The following MSRA variants were observed in gnomAD, a reference collection of about 807,000 sequenced individuals.
The protein encoded by MSRA is mitochondrial peptide methionine sulfoxide reductase.
In MSRA, 54 loss-of-function variants were observed where a neutral mutation model predicts 31.3. The ratio of observed to expected loss-of-function variants is 1.73; its 90% CI spans 1.39 to 2.17. The LOEUF is 2.17. Ranked by LOEUF, MSRA falls within the 30% of genes most tolerant of loss-of-function variation. The pLI, the probability that MSRA is intolerant of heterozygous loss-of-function variation, is 0.00. For missense variants in MSRA, 507 were observed against 300.9 expected, an observed-to-expected ratio of 1.69 and a Z score of -5.07; for synonymous variants, 169 against 116.5, an observed-to-expected ratio of 1.45 and a Z score of -2.90.
chr8:10,276,717 A>G (rs988790302), intron 3 of MSRA, among the ~76,000 whole-genome samples: 7 of 152,332 alleles, frequency 4.6e-5, no homozygotes, highest in Admixed American at 3.9e-4. Context: ...TTCAGGAGCA[A>G]CTGATATGCA....
intron 1 of MSRA, among the ~76,000 whole-genome samples, chr8:10,180,630 C>G (rs1806457206): frequency 6.6e-6 from 1 of 152,136 alleles, no homozygotes. Context: ...CTCCCCTTAC[C>G]CCCATCACTC....
chr8:10,201,409 A>T (rs932760995), intron 1 of MSRA, among the ~76,000 whole-genome samples: 4 of 151,946 alleles, frequency 2.6e-5, no homozygotes, highest in Non-Finnish European at 5.9e-5. Context: ...GCTAACCAGG[A>T]CTCCCAAGAT....
At chr8:10,214,522 T>A (rs1321903348) in intron 2 of MSRA, among the ~76,000 whole-genome samples, 1 of 151,908 alleles carries the variant, frequency 6.6e-6, no homozygotes, top group Non-Finnish European at 1.5e-5. Flanking sequence ...TGTTGGTAAA[T>A]AACCGAGTCC....
chr8:10,228,933 GT>G (rs772454537), intron 2 of MSRA, among the ~76,000 whole-genome samples: 30 of 152,026 alleles, frequency 2.0e-4, no homozygotes, highest in Non-Finnish European at 3.7e-4. Flanking sequence ...GTTACTTGCT[GT>G]TTGTAGGGAA....
chr8:10,196,639 T>A (rs1297518937), intron 1 of MSRA, among the ~76,000 whole-genome samples: 1 of 152,202 alleles, frequency 6.6e-6, no homozygotes, highest in Admixed American at 6.5e-5. Context: ...AACCTCTGCC[T>A]CCTGGCTTTA....
chr8:10,285,046 A>T (rs142896120), intron 3 of MSRA, among the ~76,000 whole-genome samples: 2 of 151,696 alleles, frequency 1.3e-5, no homozygotes, highest in Non-Finnish European at 2.9e-5. Flanking sequence ...AAAAGCTGGA[A>T]AAATACACAT....
chr8:10,340,964 G>A (rs78821248), intron 5 of MSRA, among the ~76,000 whole-genome samples: 26,500 of 152,210 alleles, frequency 0.17, 3,106 homozygotes, highest in Non-Finnish European at 0.26. Flanking sequence ...ATACGTTGAT[G>A]TGGAAACAGC....
At chr8:10,221,469 T>C (rs1216577867) in intron 2 of MSRA, among the ~76,000 whole-genome samples, 1 of 151,620 alleles carries the variant, frequency 6.6e-6, no homozygotes, top group Non-Finnish European at 1.5e-5. Context: ...TTCTTTACAC[T>C]TAACTCTGAG....
intron 5 of MSRA, among the ~76,000 whole-genome samples, chr8:10,393,706 C>T (rs760739605): frequency 3.3e-5 from 5 of 152,192 alleles, no homozygotes; most frequent in Admixed American, 6.5e-5. Flanking sequence ...TTATGACCTG[C>T]ACACGGGCAG....
At chr8:10,235,791 G>C (rs558979859) in intron 2 of MSRA, among the ~76,000 whole-genome samples, 1 of 152,010 alleles carries the variant, frequency 6.6e-6, no homozygotes, top group African/African-American at 2.4e-5. Flanking sequence ...AATAAGAAAG[G>C]CTAGCCAACC....
intron 1 of MSRA, among the ~76,000 whole-genome samples, chr8:10,196,738 T>G (rs925165442): frequency 1.3e-5 from 2 of 151,582 alleles, no homozygotes; most frequent in Non-Finnish European, 2.9e-5. Context: ...TTTTAATTTT[T>G]TTTTTTAATT....
intron 2 of MSRA, among the ~76,000 whole-genome samples, chr8:10,209,218 C>T (rs1002479257): frequency 1.3e-5 from 2 of 152,190 alleles, no homozygotes; most frequent in Admixed American, 6.5e-5. Flanking sequence ...AGCATGGTGT[C>T]TGTTATCATG....
chr8:10,330,041 T>A (rs1802603596), intron 5 of MSRA, among the ~76,000 whole-genome samples: 1 of 139,662 alleles, frequency 7.2e-6, no homozygotes, highest in Non-Finnish European at 1.6e-5. Flanking sequence ...TGTGTGTGTG[T>A]GTGATCAAAA....
At chr8:10,420,540 C>G (rs1808744926) in intron 5 of MSRA, among the ~76,000 whole-genome samples, 1 of 152,118 alleles carries the variant, frequency 6.6e-6, no homozygotes, top group Admixed American at 6.5e-5. Flanking sequence ...GGTGGCCTTT[C>G]CTTCATGTTG....
intron 3 of MSRA, among the ~76,000 whole-genome samples, chr8:10,262,850 T>C (rs1798552923): frequency 6.6e-6 from 1 of 152,236 alleles, no homozygotes; most frequent in Non-Finnish European, 1.5e-5. Context: ...CTCACACCTT[T>C]CTTGTTCACT....
chr8:10,171,880 G>C (rs1585087553), intron 1 of MSRA, among the ~76,000 whole-genome samples: 1 of 152,334 alleles, frequency 6.6e-6, no homozygotes, highest in Non-Finnish European at 1.5e-5. Flanking sequence ...AGCATTTCTT[G>C]TGTAATGTTA....
chr8:10,328,027 ATTTTTTTTT>A (rs35940076), intron 5 of MSRA, among the ~76,000 whole-genome samples: 3 of 65,334 alleles, frequency 4.6e-5, no homozygotes, highest in Middle Eastern at 0.017. Context: ...CTCTATGGTA[ATTTTTTTTT>A]TTTTTTTTTT....
chr8:10,370,786 G>A (rs539533038), intron 5 of MSRA, among the ~76,000 whole-genome samples: 62 of 152,316 alleles, frequency 4.1e-4, no homozygotes, highest in Admixed American at 7.8e-4. Context: ...CACTGAAGAG[G>A]TCCTGTGGGT....
At chr8:10,158,496 C>T (rs1002011974) in intron 1 of MSRA, among the ~76,000 whole-genome samples, 1 of 152,220 alleles carries the variant, frequency 6.6e-6, no homozygotes, top group Non-Finnish European at 1.5e-5. Context: ...TGGCTTCTTT[C>T]ACTAGCATAA....
Sources: gnomAD v4.1 joint callset for allele counts (sites outside exome capture counted in the v4.1 genomes callset) on GRCh38, gnomAD v4.1.1 for gene constraint, MANE v1.5 for transcripts, NCBI Gene and HGNC (gene_info 2026-07-23, HGNC 2026-07-21) for gene names.